The following NR5A1 variants were observed in gnomAD, a reference collection of about 807,000 sequenced individuals.
NR5A1 encodes nuclear receptor subfamily 5 group A member 1.
A neutral mutation model predicts 42.7 loss-of-function variants in NR5A1; 6 were observed. The observed-to-expected ratio is 0.14, with a 90% confidence interval of 0.08 to 0.28. The LOEUF is 0.28. Ranked by LOEUF, NR5A1 falls within the 10% of genes least tolerant of loss-of-function variation. NR5A1 has a pLI of 1.00. For missense variants in NR5A1, 442 were observed against 626.4 expected (o/e 0.71, Z 3.14); for synonymous variants, 274 against 277.5 (o/e 0.99, Z 0.12).
At chr9:124,502,486 C>A (rs141847385) in intron 3 of NR5A1, among the ~76,000 whole-genome samples, 3 of 152,050 alleles carry the variant, frequency 2.0e-5, no homozygotes, top group African/African-American at 7.2e-5. Context: ...CATGTCACCA[C>A]GCCCAGCTAC....
chr9:124,487,071 C>T (rs1398180861), intron 6 of NR5A1, among the ~76,000 whole-genome samples: 1 of 152,236 alleles, frequency 6.6e-6, no homozygotes, highest in Non-Finnish European at 1.5e-5. Context: ...CCCCCAAGCC[C>T]GCTCAGCTCC....
At chr9:124,487,302 C>T (rs960619135) in intron 6 of NR5A1, among the ~76,000 whole-genome samples, 1 of 152,264 alleles carries the variant, frequency 6.6e-6, no homozygotes, top group African/African-American at 2.4e-5. Context: ...GCACAATGGC[C>T]CCTCGAGTGG....
chr9:124,492,051 G>A (rs1234115885), intron 5 of NR5A1, among the ~76,000 whole-genome samples: 2 of 152,080 alleles, frequency 1.3e-5, no homozygotes, highest in African/African-American at 2.4e-5. Flanking sequence ...CTCCTGCCCC[G>A]ATGGCCTGTG....
chr9:124,504,404 C>T (rs962654676), intron 1 of NR5A1, among the ~76,000 whole-genome samples: 1 of 152,116 alleles, frequency 6.6e-6, no homozygotes, highest in African/African-American at 2.4e-5. Context: ...GCGCCGGGAC[C>T]GAGAGCCCGA....
Position 124,482,529 on chromosome 9 carries a change from G to C in NR5A1, c.*229C>G, listed in dbSNP as rs928839553. 1.5e-5 allele frequency: 9 copies of C among 594,004 alleles called. No individual in the cohort carries two copies. In the Admixed American group the frequency reaches 2.6e-4, roughly 17 times the overall value. 36.8% of individuals were successfully genotyped at this position (594,004 alleles called of 1,614,324 possible). A position where few individuals can be genotyped will look rare whatever the true frequency, so the allele number is the denominator to read the frequency against. On this transcript the variant is annotated 3_prime_UTR_variant, in exon 7 of 7. Coordinates refer to ENST00000373588, the MANE Select transcript of NR5A1 (RefSeq NM_004959.5). ...CCACCTCCTTGGGGCACTCCAAGCA[G>C]CAGGCAAGTGCCAGTGGCCACTCCA...
chr9:124,487,022 C>T (rs1363212414), intron 6 of NR5A1, among the ~76,000 whole-genome samples: 2 of 152,180 alleles, frequency 1.3e-5, no homozygotes, highest in Non-Finnish European at 2.9e-5. Flanking sequence ...CCTGGGCGCC[C>T]GAAGGTTGGA....
chr9:124,500,472 T>A lies in NR5A1; in HGVS notation c.488A>T (p.Asp163Val). The change falls in exon 4 of 7, where the codon GAC (aspartate) becomes GTC (valine). Residue 163 changes from aspartate (D) to valine (V), a missense_variant. Coordinates refer to ENST00000373588, the MANE Select transcript of NR5A1 (RefSeq NM_004959.5). This position sits in a 1 kb window ranked among gnomAD's most constrained non-coding sequence, Gnocchi z 6.9. ...CATGGGCAGTGCTGGGGCCCCAAAG[T>A]CGCCCAGTGGCCCAGCAGGTGGACC... ...AAGPPAGPLG[D>V]FGAPALPMAV... 6 of 1,596,544 alleles carry A rather than the reference T, an allele frequency of 3.8e-6. No individual in the cohort carries two copies. The highest frequency in any genetic ancestry group is 5.1e-6 in the Non-Finnish European group (6 of 1,173,646).
intron 6 of NR5A1, 42 bp downstream of exon 6, chr9:124,491,039 C>CCCCCGGGGGG: frequency 3.3e-6 from 5 of 1,496,936 alleles, no homozygotes; most frequent in South Asian, 1.2e-5. Flanking sequence ...ACCCACCCGC[C>CCCCCGGGGGG]TCTGGCTGTC....
At position 124,482,708 on chromosome 9, in the gene NR5A1, G is replaced by GA; in HGVS notation, c.*49_*50insT. On this transcript the variant is annotated 3_prime_UTR_variant, in exon 7 of 7. Transcript: ENST00000373588. ...GCGGTGTGGCTGCGGCCCCGCCCAG[G>GA]CCCCGCCCCCAGTCCCGCCCCCAGT... 2.5e-5 allele frequency: 14 copies of GA among 557,968 alleles called. No individual in the cohort carries two copies. Among genetic ancestry groups the GA allele is most frequent in the South Asian group, 5.1e-5 (3 of 58,710 alleles). 34.6% of individuals were successfully genotyped at this position (557,968 alleles called of 1,614,324 possible).
At position 124,498,072 on chromosome 9, in the gene NR5A1, A is replaced by G. The variant is rs1219791556; in HGVS notation, c.870+2018T>C. ...CAGTGTCCAGCCCAAGGGCTGCTCC[A>G]CTCTCAGAGCCAGAGAGCCCCCTCT... On this transcript the variant is annotated intron_variant, in intron 4 of 6. Coordinates refer to ENST00000373588, the MANE Select transcript of NR5A1 (RefSeq NM_004959.5). The surrounding 1 kb of genome is among the most constrained non-coding windows in gnomAD (Gnocchi z 4.6). Among the ~76,000 whole-genome samples, 1 of 151,988 alleles carries G rather than the reference A, an allele frequency of 6.6e-6. No individual in the cohort carries two copies. Among genetic ancestry groups the G allele is most frequent in the African/African-American group, 2.4e-5 (1 of 41,376 alleles).
At chr9:124,484,476 C>T (rs578091763) in intron 6 of NR5A1, among the ~76,000 whole-genome samples, 23 of 152,248 alleles carry the variant, frequency 1.5e-4, no homozygotes, top group Admixed American at 8.5e-4. Flanking sequence ...GTTGGCCGGG[C>T]GTAGTGGTTC....
chr9:124,490,320 G>A (rs1327291933), intron 6 of NR5A1, among the ~76,000 whole-genome samples: 1 of 152,180 alleles, frequency 6.6e-6, no homozygotes, highest in Non-Finnish European at 1.5e-5. Context: ...GGACAGCTAT[G>A]TCCTCAGCAT....
Position 124,500,426 on chromosome 9 carries a change from C to A in NR5A1, c.534G>T (p.Gly178=). ...ALPMAVPGAH[G]PLAGYLYPAF... ...CAGGGTAGAGGTAGCCAGCCAGTGGCCCGTGGGCACCGGGCACGGCCATGG... is the reference window on the plus strand; with the variant it reads ...CAGGGTAGAGGTAGCCAGCCAGTGGACCGTGGGCACCGGGCACGGCCATGG... Residue 178 remains glycine, a synonymous_variant, in exon 4 of 7, where the codon GGG becomes GGT. Transcript: ENST00000373588. The surrounding 1 kb of genome is among the most constrained non-coding windows in gnomAD (Gnocchi z 6.9). 6.4e-7 allele frequency: 1 copy of A among 1,570,742 alleles called. No individual in the cohort carries two copies. The highest frequency in any genetic ancestry group is 8.6e-7 in the Non-Finnish European group (1 of 1,159,316).
intron 1 of NR5A1, among the ~76,000 whole-genome samples, chr9:124,506,214 G>A (rs1198240111): frequency 6.6e-6 from 1 of 152,218 alleles, no homozygotes; most frequent in Non-Finnish European, 1.5e-5. Context: ...GCAAGCTCGG[G>A]CAAGTCACTT....
chr9:124,500,356 C>A lies in NR5A1; in HGVS notation c.604G>T (p.Ala202Ser). The A allele has an allele frequency of 1.4e-5, 22 of 1,556,236 alleles. No individual in the cohort carries two copies. The highest frequency in any genetic ancestry group is 1.9e-5 in the Non-Finnish European group (22 of 1,150,352). The change falls in exon 4 of 7, where the codon GCC becomes TCC. Residue 202 changes from alanine (A) to serine (S), a missense_variant. Ala to Ser is a moderately conservative substitution (Grantham distance 99, BLOSUM62 1). Transcript: ENST00000373588. This position sits in a 1 kb window ranked among gnomAD's most constrained non-coding sequence, Gnocchi z 6.9. ...AIKSEYPEPY[A>S]SPPQPGLPYG... is the part of the protein sequence containing the mutation. ...GGCAGCCCAGGCTGTGGGGGGCTGG[C>A]ATAAGGCTCCGGGTACTCAGACTTG...
At position 124,498,368 on chromosome 9, in the gene NR5A1, C is replaced by T. The variant is rs1173048895; in HGVS notation, c.870+1722G>A. On this transcript the variant is annotated intron_variant, in intron 4 of 6. Coordinates refer to ENST00000373588, the MANE Select transcript of NR5A1 (RefSeq NM_004959.5). The surrounding 1 kb of genome is among the most constrained non-coding windows in gnomAD (Gnocchi z 4.6). The stretch of plus-strand genomic sequence containing the variant: ...CATAATCCCGGGCTCAATTCAAAGA[C>T]TTTGAGAAGGGGAAGCAGGAAGGTT... Among the ~76,000 whole-genome samples, 4 of 152,150 alleles carry T rather than the reference C, an allele frequency of 2.6e-5. No individual in the cohort carries two copies. Among genetic ancestry groups the T allele is most frequent in the Non-Finnish European group, 5.9e-5 (4 of 68,028 alleles).
intron 4 of NR5A1, among the ~76,000 whole-genome samples, chr9:124,493,773 G>A (rs1832350091): frequency 6.6e-6 from 1 of 152,208 alleles, no homozygotes; most frequent in African/African-American, 2.4e-5. Context: ...GGCACATGAA[G>A]CAGAAACGAA....
At chr9:124,495,296 T>C (rs772239984) in intron 4 of NR5A1, among the ~76,000 whole-genome samples, 1 of 152,196 alleles carries the variant, frequency 6.6e-6, no homozygotes, top group Non-Finnish European at 1.5e-5. Context: ...CCAGCCCCCA[T>C]GGAGCCGCGG....
In NR5A1 at chr9:124,482,416, AT is replaced by A. The variant is rs1255041113; in HGVS notation, c.*341del. On this transcript the variant is annotated 3_prime_UTR_variant, in exon 7 of 7. Transcript: ENST00000373588. ...AAGGGACGTCGAGGCCCACCAGGGAATCCCGAACCTCCTCCCCGGACCTGCA... is the reference window on the plus strand; with the variant it reads ...AAGGGACGTCGAGGCCCACCAGGGAACCCGAACCTCCTCCCCGGACCTGCA... The A allele has an allele frequency of 2.7e-6, 1 of 375,942 alleles. No individual in the cohort carries two copies. Among genetic ancestry groups the A allele is most frequent in the Non-Finnish European group, 5.1e-6 (1 of 195,102 alleles). 23.3% of individuals were successfully genotyped at this position (375,942 alleles called of 1,614,324 possible). A position where few individuals can be genotyped will look rare whatever the true frequency, so the allele number is the denominator to read the frequency against.
Sources: gnomAD v4.1 joint callset for allele counts (sites outside exome capture counted in the v4.1 genomes callset) on GRCh38, gnomAD v4.1.1 for gene constraint, Gnocchi (gnomAD v3.1) non-coding constraint, MANE v1.5 for transcripts, NCBI Gene and HGNC (gene_info 2026-07-23, HGNC 2026-07-21) for gene names.